SLC16A7: variants seen among roughly 807,000 people sequenced by gnomAD.
The protein encoded by SLC16A7 is solute carrier family 16 member 7.
Under a neutral mutation model 34.9 loss-of-function variants are expected in SLC16A7, and 33 were observed. The observed-to-expected ratio is 0.94, with a 90% CI of 0.72 to 1.26. The LOEUF is 1.26. Among genes scored for constraint, SLC16A7 ranks in the 50% most tolerant of loss-of-function variants. SLC16A7 has a pLI of 0.00. For missense variants in SLC16A7, 573 were observed against 578.1 expected (o/e 0.99, Z 0.09); for synonymous variants, 201 against 206.6 (o/e 0.97, Z 0.23).
chr12:59,751,066 CG>C (rs1372412587), intron 3 of SLC16A7, among the ~76,000 whole-genome samples: 3 of 48,852 alleles, frequency 6.1e-5, no homozygotes, highest in South Asian at 6.9e-4. Flanking sequence ...TGTCGGGGGG[CG>C]GGGGGCTAGG....
intron 2 of SLC16A7, among the ~76,000 whole-genome samples, chr12:59,670,422 C>T (rs1045950035): frequency 6.6e-6 from 1 of 152,138 alleles, no homozygotes; most frequent in African/African-American, 2.4e-5. Flanking sequence ...CCACCCCCCC[C>T]ACCAAATTTA....
At chr12:59,734,227 T>A in intron 3 of SLC16A7, 1 of 180,280 alleles carries the variant, frequency 5.5e-6, no homozygotes, top group Non-Finnish European at 1.2e-5. Flanking sequence ...TGCCCTCAGC[T>A]CCCCTGCCCC....
chr12:59,768,373 G>T (rs1881891826), intron 3 of SLC16A7: 2 of 313,614 alleles, frequency 6.4e-6, no homozygotes, highest in Non-Finnish European at 1.3e-5. Context: ...AGAATTAGAA[G>T]TGGAGCCTGA....
intron 1 of SLC16A7, among the ~76,000 whole-genome samples, chr12:59,654,047 T>A (rs927674760): frequency 9.2e-5 from 14 of 151,516 alleles, no homozygotes; most frequent in African/African-American, 3.4e-4. Context: ...TTCATCTATA[T>A]ATTCCAATTT....
At chr12:59,746,379 T>C (rs1464632215) in intron 3 of SLC16A7, among the ~76,000 whole-genome samples, 1 of 152,208 alleles carries the variant, frequency 6.6e-6, no homozygotes. Context: ...TATGACTCAG[T>C]TTATTTTGAG....
At chr12:59,640,067 A>ACACGG (rs965407283) in intron 1 of SLC16A7, among the ~76,000 whole-genome samples, 2 of 152,272 alleles carry the variant, frequency 1.3e-5, no homozygotes, top group East Asian at 3.9e-4. Flanking sequence ...AGAAATAGTC[A>ACACGG]CACGGAATTG....
intron 1 of SLC16A7, among the ~76,000 whole-genome samples, chr12:59,633,063 G>A (rs1036950567): frequency 1.6e-4 from 25 of 151,934 alleles, no homozygotes; most frequent in Admixed American, 9.8e-4. Context: ...ATGTTCATCC[G>A]GGGGTGGATA....
At chr12:59,719,493 A>T (rs1457739150) in intron 3 of SLC16A7, among the ~76,000 whole-genome samples, 2 of 152,122 alleles carry the variant, frequency 1.3e-5, no homozygotes, top group Non-Finnish European at 2.9e-5. Flanking sequence ...ATCCCAAAAA[A>T]ATGAGTTAAA....
chr12:59,618,856 T>G (rs756758348), intron 1 of SLC16A7, among the ~76,000 whole-genome samples: 13 of 152,068 alleles, frequency 8.5e-5, no homozygotes, highest in Non-Finnish European at 1.6e-4. Flanking sequence ...ATTGGCATAA[T>G]AAATGATATC....
chr12:59,670,416 C>A (rs369530672), intron 2 of SLC16A7, among the ~76,000 whole-genome samples: 2 of 151,922 alleles, frequency 1.3e-5, no homozygotes, highest in Non-Finnish European at 2.9e-5. Context: ...TCCAATCCAC[C>A]CCCCCCACCA....
chr12:59,774,968 A>G lies in SLC16A7; in HGVS notation c.673A>G (p.Thr225Ala). Residue 225 changes from threonine to alanine, a missense_variant, in exon 5 of 6, where the codon ACG (threonine) becomes GCG (alanine). Physicochemically the swap from Thr to Ala is moderately conservative, Grantham distance 58 (BLOSUM62 0). Transcript: ENST00000547379. The stretch of plus-strand genomic sequence containing the variant: ...TGATTCAAGCCCAAAGAAAATCAAA[A>G]CGAAGAAATCAACTTGGGAAAAAGT... ...EDDSSPKKIK[T>A]KKSTWEKVNK... 1 of 1,613,950 alleles carries G rather than the reference A, an allele frequency of 6.2e-7. No homozygotes were observed. Among genetic ancestry groups the G allele is most frequent in the South Asian group, 1.1e-5 (1 of 91,078 alleles).
At chr12:59,659,313 A>G (rs1433708803) in intron 2 of SLC16A7, among the ~76,000 whole-genome samples, 2 of 152,070 alleles carry the variant, frequency 1.3e-5, no homozygotes, top group Non-Finnish European at 2.9e-5. Context: ...TTACATGCAT[A>G]TATTGTGCAG....
rs541945563 is a variant in SLC16A7, at chr12:59,638,378, A to G, written c.-129-16774A>G. ...TAGATTCTGTGATTCACTTTGGGAAAGTAGTATATCATTTTCATTCTTTCA... is the reference window on the plus strand; with the variant it reads ...TAGATTCTGTGATTCACTTTGGGAAGGTAGTATATCATTTTCATTCTTTCA... On this transcript the variant is annotated intron_variant, in intron 1 of 5. Coordinates refer to ENST00000547379, the MANE Select transcript of SLC16A7 (RefSeq NM_001270623.2). Among the ~76,000 whole-genome samples, 80 of 152,242 alleles carry G rather than the reference A, an allele frequency of 5.3e-4. No individual in the cohort carries two copies. In the South Asian group the frequency reaches 0.011, roughly 21 times the overall value.
chr12:59,632,822 A>G (rs143398937), intron 1 of SLC16A7, among the ~76,000 whole-genome samples: 56 of 152,126 alleles, frequency 3.7e-4, no homozygotes, highest in African/African-American at 9.1e-4. Context: ...CAAAGTAGCA[A>G]TTAAATACAG....
At chr12:59,761,368 ATTAT>A (rs528403805) in intron 3 of SLC16A7, among the ~76,000 whole-genome samples, 11 of 152,206 alleles carry the variant, frequency 7.2e-5, no homozygotes, top group Admixed American at 2.6e-4. Context: ...TAAATGCTTT[ATTAT>A]TGGTAATGGC....
At position 59,631,315 on chromosome 12, in the gene SLC16A7, AG is replaced by A. The variant is rs1880172462; in HGVS notation, c.-129-23836del. On this transcript the variant is annotated intron_variant, in intron 1 of 5. Transcript: ENST00000547379. The stretch of plus-strand genomic sequence containing the variant: ...AGCAGAATTCAAGTCAGTTATCTAC[AG>A]AAGACAAACCTCAAACATTCTGGGA... Among the ~76,000 whole-genome samples, 5 of 151,936 alleles carry A rather than the reference AG, an allele frequency of 3.3e-5. No individual in the cohort carries two copies. In the South Asian group the frequency reaches 8.3e-4, roughly 25 times the overall value.
intron 3 of SLC16A7, among the ~76,000 whole-genome samples, chr12:59,749,665 T>A (rs1376869707): frequency 6.6e-6 from 1 of 152,148 alleles, no homozygotes; most frequent in Non-Finnish European, 1.5e-5. Flanking sequence ...GTTATTGTTA[T>A]AGAAAAAGCC....
At chr12:59,633,152 C>T (rs1880260310) in intron 1 of SLC16A7, among the ~76,000 whole-genome samples, 1 of 151,938 alleles carries the variant, frequency 6.6e-6, no homozygotes, top group South Asian at 2.1e-4. Context: ...ACTTTATTTT[C>T]TTTACATTAT....
At chr12:59,723,499 G>C (rs1243408311) in intron 3 of SLC16A7, among the ~76,000 whole-genome samples, 1 of 151,914 alleles carries the variant, frequency 6.6e-6, no homozygotes, top group Non-Finnish European at 1.5e-5. Flanking sequence ...ATTGCTATGG[G>C]AGAAGACAGA....
Sources: gnomAD v4.1 joint callset for allele counts (sites outside exome capture counted in the v4.1 genomes callset) on GRCh38, gnomAD v4.1.1 for gene constraint, MANE v1.5 for transcripts, NCBI Gene and HGNC (gene_info 2026-07-23, HGNC 2026-07-21) for gene names.